The following CHD7 variants were observed in gnomAD, a reference collection of about 807,000 sequenced individuals.
CHD7 encodes the protein chromodomain helicase DNA binding protein 7.
In CHD7, 24 loss-of-function variants were observed where a neutral mutation model predicts 307.3. The ratio of observed to expected loss-of-function variants is 0.08; its 90% CI spans 0.06 to 0.11. The LOEUF (loss-of-function observed/expected upper bound fraction) is 0.11, where lower values mean the gene tolerates loss of function less well. CHD7 is among the 10% of genes least tolerant of loss of function. The probability of loss-of-function intolerance (pLI) is 1.00; values close to 1 mark genes in which losing one functional copy is unlikely to be tolerated. For synonymous variants in CHD7, 1,363 were observed against 1,349.9 expected (o/e 1.01, Z -0.21); for missense variants, 3,106 against 3,727.1 (o/e 0.83, Z 4.34).
chr8:60,852,425 A>G, intron 29 of CHD7, 73 bp from the exon 30 acceptor site: 1 of 1,425,894 alleles, frequency 7.0e-7, no homozygotes, highest in Non-Finnish European at 9.6e-7. Flanking sequence ...GTCTGGGGGG[A>G]AGAAGAAAAG....
In CHD7 at chr8:60,801,545, A is replaced by C. The variant is rs928444236; in HGVS notation, c.2394A>C (p.Glu798Asp). 12 of 1,574,248 alleles carry C rather than the reference A, an allele frequency of 7.6e-6. No individual in the cohort carries two copies. The highest frequency in any genetic ancestry group is 1.4e-5 in the African/African-American group (1 of 73,986). The stretch of plus-strand genomic sequence containing the variant: ...TTTTTTAGGAATCTGTTGATGCAGA[A>C]GGCCCAGTGGTAGAAAAAATTATGA... ...QSEQQESVDA[E>D]GPVVEKIMSS... Residue 798 changes from glutamate (E) to aspartate (D), a missense_variant, in exon 6 of 38, where the codon GAA becomes GAC. By Grantham distance (45) the Glu-to-Asp change is conservative (BLOSUM62 2). Transcript: ENST00000423902.
At position 60,725,266 on chromosome 8, in the gene CHD7, T is replaced by C. The variant is rs573253510; in HGVS notation, c.-174-15993T>C. ...TCTTAAAGGAATGTTCGGTTATCTC[T>C]CCTGAAGGGTTTTAAAAATTGTGGA... On this transcript the variant is annotated intron_variant, in intron 1 of 37. Transcript: ENST00000423902. Among the ~76,000 whole-genome samples, 3 of 152,306 alleles carry C rather than the reference T, an allele frequency of 2.0e-5. No individual in the cohort carries two copies. In the South Asian group the frequency reaches 6.2e-4, roughly 32 times the overall value.
At chr8:60,805,471 G>A (rs1042537493) in intron 6 of CHD7, among the ~76,000 whole-genome samples, 9 of 152,130 alleles carry the variant, frequency 5.9e-5, no homozygotes, top group Non-Finnish European at 1.5e-5. Context: ...TCAGAACCTG[G>A]TTGGTTCCTC....
rs1429162489 is a variant in CHD7, at chr8:60,856,104, A to G, written c.7066A>G (p.Ser2356Gly). Residue 2356 changes from serine to glycine, a missense_variant, in exon 33 of 38, where the codon AGC (serine) becomes GGC (glycine). Coordinates refer to ENST00000423902, the MANE Select transcript of CHD7 (RefSeq NM_017780.4). The part of the protein sequence containing the change: ...IPGYTPTTVD[S>G]PLQKRSFAEL... Reference sequence around the variant, plus strand: ...AGGTTACACACCCACCACAGTGGACAGCCCCTTGCAGAAGAGGAGCTTTGC... The same window carrying G: ...AGGTTACACACCCACCACAGTGGACGGCCCCTTGCAGAAGAGGAGCTTTGC... 6.2e-7 allele frequency: 1 copy of G among 1,611,294 alleles called. No homozygotes were observed. The highest frequency in any genetic ancestry group is 2.2e-5 in the East Asian group (1 of 44,814).
At chr8:60,710,961 CAT>C (rs1807256959) in intron 1 of CHD7, among the ~76,000 whole-genome samples, 1 of 152,222 alleles carries the variant, frequency 6.6e-6, no homozygotes, top group African/African-American at 2.4e-5. Context: ...GGTAATAAAA[CAT>C]ATTTTTTTAA....
At chr8:60,857,236 A>G (rs1253393967) in intron 34 of CHD7, among the ~76,000 whole-genome samples, 1 of 152,206 alleles carries the variant, frequency 6.6e-6, no homozygotes, top group African/African-American at 2.4e-5. Context: ...CCTGGCATTT[A>G]TTAAAATTAG....
intron 1 of CHD7, among the ~76,000 whole-genome samples, chr8:60,683,394 T>G (rs904563521): frequency 4.6e-5 from 7 of 152,220 alleles, no homozygotes; most frequent in South Asian, 2.1e-4. Context: ...TTATGGTGGT[T>G]GTTAAGAGCT....
chr8:60,703,239 C>G (rs907250806), intron 1 of CHD7, among the ~76,000 whole-genome samples: 1 of 152,130 alleles, frequency 6.6e-6, no homozygotes, highest in Admixed American at 6.5e-5. Context: ...CATAATGTTA[C>G]GCATCCATCA....
At chr8:60,851,808 T>A (rs968225167) in intron 28 of CHD7, among the ~76,000 whole-genome samples, 4 of 152,200 alleles carry the variant, frequency 2.6e-5, no homozygotes, top group African/African-American at 9.7e-5. Context: ...TAATAAATAA[T>A]GTTTTCATCC....
At chr8:60,698,970 G>A (rs139950377) in intron 1 of CHD7, among the ~76,000 whole-genome samples, 1 of 152,256 alleles carries the variant, frequency 6.6e-6, no homozygotes, top group East Asian at 1.9e-4. Context: ...TATTTGGAGA[G>A]ATGGGGTTTC....
chr8:60,833,717 G>T (rs908237012), intron 15 of CHD7, among the ~76,000 whole-genome samples: 1 of 152,148 alleles, frequency 6.6e-6, no homozygotes, highest in Non-Finnish European at 1.5e-5. Context: ...CATTAATTTA[G>T]GACGGAACCA....
chr8:60,778,958 G>T (rs1811077160), intron 2 of CHD7, among the ~76,000 whole-genome samples: 1 of 152,184 alleles, frequency 6.6e-6, no homozygotes, highest in Non-Finnish European at 1.5e-5. Context: ...TTAGTTAGTT[G>T]TGTTATCCCT....
chr8:60,690,849 G>T (rs1806158367), intron 1 of CHD7, among the ~76,000 whole-genome samples: 1 of 152,224 alleles, frequency 6.6e-6, no homozygotes, highest in Non-Finnish European at 1.5e-5. Context: ...CAGAATGGTT[G>T]ACAGTCGCCG....
At position 60,844,895 on chromosome 8, in the gene CHD7, G is replaced by A. The variant is rs944955791; in HGVS notation, c.4882G>A (p.Gly1628Arg). 1 of 1,607,690 alleles carries A rather than the reference G, an allele frequency of 6.2e-7. No individual in the cohort carries two copies. Among genetic ancestry groups the A allele is most frequent in the Non-Finnish European group, 8.5e-7 (1 of 1,175,394 alleles). ...ACGGTGGACAGACATTCTTTCCCAC[G>A]GACGCTATAAACGCCAACTCACTGA... ...WGRWTDILSH[G>R]RYKRQLTEQD... Residue 1628 changes from glycine (G) to arginine (R), a missense_variant, in exon 22 of 38, where the codon GGA becomes AGA. Physicochemically the swap from Gly to Arg is moderately radical, Grantham distance 125. Around this residue, in one of 10 missense-constraint regions of CHD7, gnomAD observed 122 missense variants for 124.5 expected, o/e 0.98. Coordinates refer to ENST00000423902, the MANE Select transcript of CHD7 (RefSeq NM_017780.4).
chr8:60,864,826 C>A, intron 37 of CHD7, 190 bp from the exon 38 acceptor site: 2 of 616,766 alleles, frequency 3.2e-6, no homozygotes, highest in Non-Finnish European at 5.6e-6. Flanking sequence ...AATTTTTCTG[C>A]AGTTCAGCAA....
intron 2 of CHD7, among the ~76,000 whole-genome samples, chr8:60,780,082 G>A (rs576835800): frequency 1.3e-5 from 2 of 152,258 alleles, no homozygotes; most frequent in South Asian, 2.1e-4. Context: ...ATAAATGTTC[G>A]TTAGATGTCA....
rs1352573348 is a variant in CHD7 at position 60,680,404 on chromosome 8, G to T, written c.-175+1322G>T. On this transcript the variant is annotated intron_variant, in intron 1 of 37. Transcript: ENST00000423902. Reference sequence around the variant, plus strand: ...CGCGGGGCTGTCGAGGTCGCGGGGGGGGGGGGCGGGGGCGGCGGCGGCGGC... The same window carrying T: ...CGCGGGGCTGTCGAGGTCGCGGGGGTGGGGGGCGGGGGCGGCGGCGGCGGC... Among the ~76,000 whole-genome samples, 185 of 130,110 alleles carry T rather than the reference G, an allele frequency of 1.4e-3. 2 individuals are homozygous for T. Among genetic ancestry groups the T allele is most frequent in the African/African-American group, 4.8e-3 (169 of 35,338 alleles). 85.4% of individuals were successfully genotyped at this position (130,110 alleles called of 152,430 possible).
At chr8:60,745,432 G>A (rs1809274610) in intron 2 of CHD7, among the ~76,000 whole-genome samples, 4 of 152,142 alleles carry the variant, frequency 2.6e-5, no homozygotes, top group Non-Finnish European at 5.9e-5. Flanking sequence ...GTGAGTCTGT[G>A]GCGTTTGAAT....
At chr8:60,858,075 G>A (rs1563666653) in intron 34 of CHD7, among the ~76,000 whole-genome samples, 1 of 152,186 alleles carries the variant, frequency 6.6e-6, no homozygotes, top group Non-Finnish European at 1.5e-5. Flanking sequence ...GGCCAACATG[G>A]CAAAACCTTT....
Sources: allele counts gnomAD v4.1 joint callset (sites outside exome capture counted in the v4.1 genomes callset), GRCh38; gene constraint gnomAD v4.1.1; regional missense constraint gnomAD v4.1.1; transcripts MANE v1.5; gene names NCBI Gene and HGNC (gene_info 2026-07-23, HGNC 2026-07-21).